TRIM29: variants seen among roughly 807,000 people sequenced by gnomAD.
TRIM29 encodes the protein tripartite motif-containing protein 29.
TRIM29 carries 52 observed loss-of-function variants against 57.3 expected under a neutral mutation model. The ratio of observed to expected loss-of-function variants is 0.91; its 90% confidence interval spans 0.73 to 1.14. TRIM29 has a LOEUF of 1.14. TRIM29 is among the 50% of genes most tolerant of loss of function. The pLI, the probability that TRIM29 is intolerant of heterozygous loss-of-function variation, is 0.00. For synonymous variants in TRIM29, 319 were observed against 316.9 expected, an observed-to-expected ratio of 1.01 and a Z score of -0.07; for missense variants, 753 against 774.6, an observed-to-expected ratio of 0.97 and a Z score of 0.33.
intron 5 of TRIM29, 147 bp downstream of exon 5, chr11:120,122,807 C>T: frequency 3.1e-6 from 2 of 650,390 alleles, no homozygotes; most frequent in East Asian, 2.7e-5. Flanking sequence ...ATCAGGACAA[C>T]ACGTAGATGC....
At chr11:120,129,005 G>T in intron 1 of TRIM29, 1 of 1,039,704 alleles carries the variant, frequency 9.6e-7, no homozygotes. Flanking sequence ...GACTCCGTCT[G>T]GGCAGGCACA....
intron 1 of TRIM29, among the ~76,000 whole-genome samples, chr11:120,134,035 T>C (rs981218999): frequency 2.0e-5 from 3 of 151,920 alleles, no homozygotes; most frequent in Non-Finnish European, 4.4e-5. Context: ...GGAAGGGCCA[T>C]AAGACACAGA....
At chr11:120,126,017 T>C (rs1449351497) in intron 3 of TRIM29, 128 bp from the exon 4 acceptor site, 2 of 900,512 alleles carry the variant, frequency 2.2e-6, no homozygotes, top group African/African-American at 1.7e-5. Context: ...CCTCACTGGA[T>C]GTTTGTTTCT....
At chr11:120,133,655 T>C (rs915490106) in intron 1 of TRIM29, among the ~76,000 whole-genome samples, 26 of 152,124 alleles carry the variant, frequency 1.7e-4, no homozygotes, top group African/African-American at 6.3e-4. Context: ...TGGCTCCCCT[T>C]CCCGAATCCC....
Position 120,125,683 on chromosome 11 carries a change from G to A in TRIM29, c.1333+8C>T. ...GGCCTTGGGGCCCAGCCACGAGAGG[G>A]GACCTACCGTTCTCCATGTGGTTCC... On this transcript the variant is annotated splice_region_variant and intron_variant, in intron 4 of 8. Transcript: ENST00000341846. 6.2e-7 allele frequency: 1 copy of A among 1,613,948 alleles called. No individual in the cohort carries two copies. Among genetic ancestry groups the A allele is most frequent in the Non-Finnish European group, 8.5e-7 (1 of 1,179,986 alleles).
At chr11:120,117,022 C>G (rs1408531447) in intron 7 of TRIM29, 2 of 447,678 alleles carry the variant, frequency 4.5e-6, no homozygotes. Context: ...GTGGCCTGTC[C>G]CAAGGTGGTG....
chr11:120,128,534 G>A lies in TRIM29; in HGVS notation c.805-39C>T, dbSNP rs765286038. 2.1e-5 allele frequency: 33 copies of A among 1,591,876 alleles called. No homozygotes were observed. The South Asian group carries it at 3.7e-4, about 18-fold the overall frequency. On this transcript the variant is annotated intron_variant, in intron 1 of 8. Transcript: ENST00000341846. Reference sequence around the variant, plus strand: ...GCCAGGATTGGAGAAGTCAGGGGGAGGAGATGGAAGAGAACCAGAGAACCA... The same window carrying A: ...GCCAGGATTGGAGAAGTCAGGGGGAAGAGATGGAAGAGAACCAGAGAACCA...
At chr11:120,134,014 G>A (rs892516096) in intron 1 of TRIM29, among the ~76,000 whole-genome samples, 4 of 152,076 alleles carry the variant, frequency 2.6e-5, no homozygotes, top group African/African-American at 9.7e-5. Context: ...TGAAGCTTGA[G>A]ATAGGCAGAA....
At chr11:120,116,679 C>T (rs910699302) in intron 7 of TRIM29, 3 of 161,526 alleles carry the variant, frequency 1.9e-5, no homozygotes, top group Middle Eastern at 2.8e-3. Flanking sequence ...GTAATTCAGG[C>T]CTCATCTCTC....
chr11:120,126,171 A>T (rs1863585400), intron 3 of TRIM29: 3 of 390,130 alleles, frequency 7.7e-6, no homozygotes, highest in Non-Finnish European at 1.4e-5. Context: ...AGGGACACAA[A>T]CTGCAAAGAC....
At chr11:120,128,299 T>G in intron 2 of TRIM29, 101 bp downstream of exon 2, 1 of 923,648 alleles carries the variant, frequency 1.1e-6, no homozygotes, top group South Asian at 1.5e-5. Context: ...TATTGGGATG[T>G]CTACGTGGGC....
At chr11:120,117,603 G>C (rs1863303910) in intron 7 of TRIM29, 1 of 156,284 alleles carries the variant, frequency 6.4e-6, no homozygotes, top group African/African-American at 2.4e-5. Flanking sequence ...ATGAGGGTCT[G>C]GGGCCCATAG....
At chr11:120,124,380 C>G (rs1041561341) in intron 4 of TRIM29, 2 of 152,420 alleles carry the variant, frequency 1.3e-5, no homozygotes, top group Non-Finnish European at 2.9e-5. Flanking sequence ...TCCTCAACCC[C>G]ACTTCTGCAG....
At chr11:120,117,362 C>T (rs1228984158) in intron 7 of TRIM29, 3 of 171,744 alleles carry the variant, frequency 1.7e-5, no homozygotes, top group South Asian at 2.9e-4. Context: ...TCCAAGAATC[C>T]CTGTCCTGGG....
At chr11:120,121,975 C>G (rs527241626) in intron 5 of TRIM29, 7 of 448,606 alleles carry the variant, frequency 1.6e-5, no homozygotes, top group African/African-American at 1.4e-4. Flanking sequence ...GCAGGCTGGC[C>G]GGCTGGGGCC....
intron 1 of TRIM29, chr11:120,129,028 G>T (rs1863663695): frequency 8.8e-6 from 7 of 794,392 alleles, no homozygotes; most frequent in Non-Finnish European, 1.2e-5. Flanking sequence ...TATAAAACCT[G>T]TTTATGGGAA....
At position 120,128,589 on chromosome 11, in the gene TRIM29, G is replaced by A. The variant is rs974848487; in HGVS notation, c.805-94C>T. On this transcript the variant is annotated intron_variant, in intron 1 of 8. Transcript: ENST00000341846. ...GCGGCTCCACTCAGGGGGCACACTC[G>A]CAGCCAGGGCTCATCACTCATCTAT... is the stretch of plus-strand genomic sequence containing the variant. 6.7e-6 allele frequency: 10 copies of A among 1,502,684 alleles called. No individual in the cohort carries two copies. The African/African-American group carries it at 9.6e-5, about 14-fold the overall frequency. 93.1% of individuals were successfully genotyped at this position (1,502,684 alleles called of 1,614,324 possible).
intron 1 of TRIM29, chr11:120,128,861 G>A (rs1863658868): frequency 6.7e-7 from 1 of 1,488,476 alleles, no homozygotes. Flanking sequence ...AATGGGAAGA[G>A]AAAGGAAGGG....
intron 8 of TRIM29, chr11:120,113,498 C>T (rs979357415): frequency 1.0e-5 from 4 of 385,748 alleles, no homozygotes; most frequent in Non-Finnish European, 2.1e-5. Flanking sequence ...CCCTGCAGAT[C>T]CCAATACAGG....
Sources: allele counts gnomAD v4.1 joint callset (sites outside exome capture counted in the v4.1 genomes callset), GRCh38; gene constraint gnomAD v4.1.1; transcripts MANE v1.5; gene names NCBI Gene and HGNC (gene_info 2026-07-23, HGNC 2026-07-21).